SIPA1L3: variants seen among roughly 807,000 people sequenced by gnomAD.
SIPA1L3 encodes signal-induced proliferation-associated 1-like protein 3.
In SIPA1L3, 59 loss-of-function variants were observed where a neutral mutation model predicts 150.1. The observed-to-expected ratio is 0.39, with a 90% CI of 0.32 to 0.49. The LOEUF is 0.49. SIPA1L3 is among the 20% of genes least tolerant of loss of function. SIPA1L3 has a pLI of 0.86. For missense variants in SIPA1L3, 2,211 were observed against 2,489.5 expected (o/e 0.89, Z 2.38); for synonymous variants, 1,070 against 1,077.6 (o/e 0.99, Z 0.14).
chr19:38,108,258 C>T (rs1013179687), intron 7 of SIPA1L3, among the ~76,000 whole-genome samples: 1 of 152,090 alleles, frequency 6.6e-6, no homozygotes, highest in Non-Finnish European at 1.5e-5. Flanking sequence ...GTGGGAGGGG[C>T]GCTGGGGAAA....
intron 2 of SIPA1L3, among the ~76,000 whole-genome samples, chr19:38,066,025 T>A (rs1969580216): frequency 6.7e-6 from 1 of 150,358 alleles, no homozygotes; most frequent in Non-Finnish European, 1.5e-5. Context: ...TTTATTTATT[T>A]ATTTTTGAGG....
chr19:38,083,892 C>T (rs746907078), intron 3 of SIPA1L3, among the ~76,000 whole-genome samples: 1 of 150,508 alleles, frequency 6.6e-6, no homozygotes, highest in Non-Finnish European at 1.5e-5. Flanking sequence ...ACTTGGGAGG[C>T]TGAGGTAGGA....
At position 38,101,838 on chromosome 19, in the gene SIPA1L3, G is replaced by A. The variant is rs556535295; in HGVS notation, c.2029+612G>A. Among the ~76,000 whole-genome samples the A allele has an allele frequency of 5.9e-5, 9 of 152,258 alleles. 1 individual carries two copies. The South Asian group carries it at 1.9e-3, about 32-fold the overall frequency. On this transcript the variant is annotated intron_variant, in intron 6 of 21. Transcript: ENST00000222345. ...AATGTGCACGTGCATGGCAGGAGAGGACTGAATATCCCTAACCACCGGCAC... is the reference window on the plus strand; with the variant it reads ...AATGTGCACGTGCATGGCAGGAGAGAACTGAATATCCCTAACCACCGGCAC...
intron 6 of SIPA1L3, among the ~76,000 whole-genome samples, chr19:38,105,050 T>C (rs1970592688): frequency 6.6e-6 from 1 of 151,856 alleles, no homozygotes; most frequent in Non-Finnish European, 1.5e-5. Flanking sequence ...GAGGCAGCAT[T>C]GAATATTATT....
intron 1 of SIPA1L3, among the ~76,000 whole-genome samples, chr19:37,973,858 A>G (rs1234066415): frequency 1.3e-5 from 2 of 152,154 alleles, no homozygotes; most frequent in East Asian, 3.9e-4. Flanking sequence ...AGATGACTGG[A>G]TGGTGATGCT....
chr19:38,056,183 CG>C (rs1568524052), intron 2 of SIPA1L3, among the ~76,000 whole-genome samples: 1 of 152,208 alleles, frequency 6.6e-6, no homozygotes, highest in African/African-American at 2.4e-5. Context: ...CTTCCCCAGT[CG>C]GTCCCTTCTC....
intron 1 of SIPA1L3, among the ~76,000 whole-genome samples, chr19:37,976,874 A>G (rs1025580018): frequency 2.6e-5 from 4 of 152,246 alleles, no homozygotes; most frequent in African/African-American, 9.6e-5. Context: ...TCACTCTGTC[A>G]CCTAGGCTAG....
chr19:38,121,671 G>A (rs1971022602), intron 9 of SIPA1L3, among the ~76,000 whole-genome samples: 2 of 152,044 alleles, frequency 1.3e-5, no homozygotes, highest in Admixed American at 1.3e-4. Flanking sequence ...CCTGGGAGGC[G>A]GAGGTTGCAG....
intron 21 of SIPA1L3, 39 bp downstream of exon 21, chr19:38,204,247 A>C (rs1266183768): frequency 1.3e-6 from 2 of 1,524,948 alleles, no homozygotes; most frequent in Non-Finnish European, 1.8e-6. Flanking sequence ...CCCACTTCCC[A>C]GACACTGGGC....
intron 16 of SIPA1L3, among the ~76,000 whole-genome samples, chr19:38,183,502 ACTTGC>A (rs1251576008): frequency 1.3e-5 from 2 of 152,092 alleles, no homozygotes; most frequent in Non-Finnish European, 2.9e-5. Flanking sequence ...CGGAGGACAG[ACTTGC>A]CTTGAGTGGG....
At chr19:38,196,303 G>A (rs1972931209) in intron 18 of SIPA1L3, among the ~76,000 whole-genome samples, 1 of 152,236 alleles carries the variant, frequency 6.6e-6, no homozygotes, top group Non-Finnish European at 1.5e-5. Context: ...CACAGAACAA[G>A]GAGGCCAGGG....
At chr19:37,984,680 T>C (rs1207070969) in intron 1 of SIPA1L3, among the ~76,000 whole-genome samples, 1 of 152,256 alleles carries the variant, frequency 6.6e-6, no homozygotes, top group Non-Finnish European at 1.5e-5. Context: ...GCATAGGTCC[T>C]GACACATAGC....
At chr19:38,116,737 C>T (rs1472351572) in intron 8 of SIPA1L3, among the ~76,000 whole-genome samples, 1 of 151,906 alleles carries the variant, frequency 6.6e-6, no homozygotes, top group East Asian at 1.9e-4. Context: ...GCCTGTAATC[C>T]CAGTTACCCC....
chr19:38,022,032 CAG>C (rs2145702480), intron 1 of SIPA1L3, among the ~76,000 whole-genome samples: 1 of 152,308 alleles, frequency 6.6e-6, no homozygotes, highest in African/African-American at 2.4e-5. Context: ...TGGAAGGAGA[CAG>C]AGTTCAAGGC....
intron 15 of SIPA1L3, among the ~76,000 whole-genome samples, chr19:38,169,033 C>G (rs1429277359): frequency 1.3e-5 from 2 of 152,004 alleles, no homozygotes; most frequent in African/African-American, 4.8e-5. Flanking sequence ...GCAACTCACC[C>G]CCTGATTTTA....
Position 38,152,837 on chromosome 19 carries a change from C to T in SIPA1L3, c.3534-3C>T. The T allele has an allele frequency of 6.2e-7, 1 of 1,606,904 alleles. No homozygotes were observed. The highest frequency in any genetic ancestry group is 8.5e-7 in the Non-Finnish European group (1 of 1,175,854). On this transcript the variant is annotated splice_region_variant and splice_polypyrimidine_tract_variant and intron_variant, in intron 12 of 21. Coordinates refer to ENST00000222345, the MANE Select transcript of SIPA1L3 (RefSeq NM_015073.3). ...CTGGGCACGTTCTTCTCATCCCCTG[C>T]AGGTACACGGCTGCCCCACACCCCC...
At chr19:38,144,128 T>G (rs924521043) in intron 12 of SIPA1L3, among the ~76,000 whole-genome samples, 3 of 152,200 alleles carry the variant, frequency 2.0e-5, no homozygotes, top group Non-Finnish European at 2.9e-5. Flanking sequence ...AGAACCCTTC[T>G]CTGGAGCTCC....
At chr19:38,133,110 C>G (rs1369723606) in intron 10 of SIPA1L3, among the ~76,000 whole-genome samples, 1 of 152,188 alleles carries the variant, frequency 6.6e-6, no homozygotes, top group African/African-American at 2.4e-5. Context: ...TGCTTAGGCC[C>G]CAATGGGATG....
intron 1 of SIPA1L3, among the ~76,000 whole-genome samples, chr19:37,928,464 G>A (rs1028656293): frequency 6.6e-6 from 1 of 152,100 alleles, no homozygotes; most frequent in South Asian, 2.1e-4. Flanking sequence ...CCAGCTATTC[G>A]AGAGGCTGAG....
Sources: gnomAD v4.1 joint callset for allele counts (sites outside exome capture counted in the v4.1 genomes callset) on GRCh38, gnomAD v4.1.1 for gene constraint, MANE v1.5 for transcripts, NCBI Gene and HGNC (gene_info 2026-07-23, HGNC 2026-07-21) for gene names.